CPS1: variants seen among roughly 807,000 people sequenced by gnomAD.
The protein encoded by CPS1 is carbamoyl-phosphate synthase [ammonia], mitochondrial.
A neutral mutation model predicts 174.6 loss-of-function variants in CPS1; 109 were observed. The ratio of observed to expected loss-of-function variants is 0.62; its 90% CI spans 0.53 to 0.73. CPS1 has a LOEUF of 0.73. Ranked by LOEUF, CPS1 falls within the 30% of genes least tolerant of loss-of-function variation. CPS1 has a pLI of 0.00. For missense variants in CPS1, 1,689 were observed against 1,821.9 expected (o/e 0.93, Z 1.33); for synonymous variants, 637 against 632.0 (o/e 1.01, Z -0.12).
intron 17 of CPS1, among the ~76,000 whole-genome samples, chr2:210,606,284 T>G (rs1204822483): frequency 6.6e-6 from 1 of 151,834 alleles, no homozygotes; most frequent in African/African-American, 2.4e-5. Flanking sequence ...AGTGAAGATC[T>G]GAGCGTGTTT....
chr2:210,558,540 G>T (rs918863463), intron 1 of CPS1, among the ~76,000 whole-genome samples: 1 of 151,956 alleles, frequency 6.6e-6, no homozygotes, highest in African/African-American at 2.4e-5. Context: ...TATCCCCTAT[G>T]ATTATATGTG....
intron 1 of CPS1, among the ~76,000 whole-genome samples, chr2:210,533,740 GC>G (rs2106003491): frequency 6.6e-6 from 1 of 152,210 alleles, no homozygotes; most frequent in East Asian, 1.9e-4. Context: ...TCCTAGTTTT[GC>G]AGTTTAGAGG....
intron 21 of CPS1, among the ~76,000 whole-genome samples, chr2:210,634,271 A>C (rs1211459966): frequency 6.6e-6 from 1 of 152,210 alleles, no homozygotes; most frequent in Non-Finnish European, 1.5e-5. Context: ...TCTACTAAAA[A>C]TACAAAAAAT....
At chr2:210,635,983 A>C (rs1700032166) in intron 21 of CPS1, among the ~76,000 whole-genome samples, 1 of 152,238 alleles carries the variant, frequency 6.6e-6, no homozygotes, top group African/African-American at 2.4e-5. Flanking sequence ...AATATGAATT[A>C]ATTAAAGCAG....
At chr2:210,482,930 A>T (rs1277515024) in intron 1 of CPS1, among the ~76,000 whole-genome samples, 2 of 152,208 alleles carry the variant, frequency 1.3e-5, no homozygotes, top group African/African-American at 4.8e-5. Context: ...TTTGGCAGTC[A>T]ATTAGGGTTC....
intron 10 of CPS1, 36 bp from the exon 11 acceptor site, chr2:210,592,843 A>G (rs749094157): frequency 6.4e-7 from 1 of 1,557,398 alleles, no homozygotes; most frequent in East Asian, 2.2e-5. Flanking sequence ...ATTCATTGTT[A>G]CAGAAGGAAT....
At position 210,594,618 on chromosome 2, in the gene CPS1, G is replaced by A; in HGVS notation, c.1263+12G>A. The A allele has an allele frequency of 2.5e-6, 4 of 1,596,878 alleles. No individual in the cohort carries two copies. The highest frequency in any genetic ancestry group is 2.6e-6 in the Non-Finnish European group (3 of 1,165,544). ...CATCTCGGGTTGAGGTCAGTATGTG[G>A]GCTTATTTTTGGTTTATGAATTTTG... On this transcript the variant is annotated intron_variant, in intron 12 of 37. Transcript: ENST00000233072.
In CPS1 at chr2:210,646,116, C is replaced by T. The variant is rs536471871; in HGVS notation, c.3142-1747C>T. On this transcript the variant is annotated intron_variant, in intron 25 of 37. Coordinates refer to ENST00000233072, the MANE Select transcript of CPS1 (RefSeq NM_001875.5). ...TCCTATTTAGTCTAATTGACTCAAA[C>T]TTTTGCTATAAGTTGCTACTTCTCC... Among the ~76,000 whole-genome samples the T allele has an allele frequency of 4.6e-5, 7 of 152,190 alleles. No individual in the cohort carries two copies. The South Asian group carries it at 8.3e-4, about 18-fold the overall frequency.
intron 16 of CPS1, among the ~76,000 whole-genome samples, chr2:210,604,775 G>A (rs1478741293): frequency 3.3e-5 from 5 of 151,872 alleles, no homozygotes; most frequent in African/African-American, 4.8e-5. Context: ...TGGTTTCACA[G>A]AAGCCTAGCT....
intron 18 of CPS1, among the ~76,000 whole-genome samples, chr2:210,607,553 A>T (rs1244001785): frequency 6.6e-6 from 1 of 151,920 alleles, no homozygotes; most frequent in East Asian, 1.9e-4. Flanking sequence ...TTAAATGAAC[A>T]CAATATTTAC....
rs71350739 is a variant in CPS1 at position 210,563,589 on chromosome 2, G to A, written c.126+6730G>A. ...TTTTCCATCTTGATATAAAAGACCC[G>A]AAGAAAACTGGTTCGAAGTAAAGGA... is the stretch of plus-strand genomic sequence containing the variant. On this transcript the variant is annotated intron_variant, in intron 1 of 37. Coordinates refer to ENST00000233072, the MANE Select transcript of CPS1 (RefSeq NM_001875.5). Among the ~76,000 whole-genome samples, 319 of 152,184 alleles carry A rather than the reference G, an allele frequency of 2.1e-3. 2 individuals carry two copies. Among genetic ancestry groups the A allele is most frequent in the Non-Finnish European group, 3.6e-3 (246 of 67,994 alleles).
intron 1 of CPS1, among the ~76,000 whole-genome samples, chr2:210,484,590 T>G (rs1037148614): frequency 1.3e-5 from 2 of 152,254 alleles, no homozygotes; most frequent in Non-Finnish European, 1.5e-5. Flanking sequence ...GCCTCCCAGA[T>G]AGTATCAAGG....
chr2:210,511,198 G>T (rs970449418), intron 1 of CPS1, among the ~76,000 whole-genome samples: 1 of 152,116 alleles, frequency 6.6e-6, no homozygotes, highest in Non-Finnish European at 1.5e-5. Context: ...ATACTATGCA[G>T]CCTTAAAAAA....
chr2:210,577,542 C>A, intron 4 of CPS1, 32 bp downstream of exon 4: 1 of 1,518,366 alleles, frequency 6.6e-7, no homozygotes, highest in Non-Finnish European at 9.2e-7. Flanking sequence ...CCATCATCAC[C>A]TAAGGAAGGT....
intron 1 of CPS1, among the ~76,000 whole-genome samples, chr2:210,516,443 T>G (rs1695684340): frequency 6.6e-6 from 1 of 151,916 alleles, no homozygotes; most frequent in Admixed American, 6.6e-5. Flanking sequence ...CCCAGTGTCT[T>G]TAAGTTCACA....
intron 33 of CPS1, among the ~76,000 whole-genome samples, chr2:210,664,305 T>C (rs1024430857): frequency 6.6e-6 from 1 of 152,018 alleles, no homozygotes; most frequent in Non-Finnish European, 1.5e-5. Context: ...CAGAGAGAGA[T>C]CTATTTTCCT....
At chr2:210,601,324 G>A (rs974001455) in intron 15 of CPS1, among the ~76,000 whole-genome samples, 1 of 151,882 alleles carries the variant, frequency 6.6e-6, no homozygotes, top group Non-Finnish European at 1.5e-5. Context: ...CAGGCTCATA[G>A]CTGGTGAAGT....
chr2:210,558,621 G>C (rs1318035006), intron 1 of CPS1, among the ~76,000 whole-genome samples: 1 of 151,988 alleles, frequency 6.6e-6, no homozygotes, highest in Non-Finnish European at 1.5e-5. Flanking sequence ...AGGTATGTAG[G>C]TAAGGATAGG....
Position 210,579,722 on chromosome 2 carries a change from A to G in CPS1, c.480A>G (p.Ala160=), listed in dbSNP as rs1211564911. ...GQWLQEEKVP[A]IYGVDTRMLT... ...CAATTTTTTTCTTATAGGTTCCTGCAATTTATGGAGTGGACACAAGAATGC... is the reference window on the plus strand; with the variant it reads ...CAATTTTTTTCTTATAGGTTCCTGCGATTTATGGAGTGGACACAAGAATGC... The change falls in exon 5 of 38, where the codon GCA becomes GCG. Residue 160 remains alanine (A), a synonymous_variant. Transcript: ENST00000233072. 6.2e-7 allele frequency: 1 copy of G among 1,612,936 alleles called. No homozygotes were observed. The highest frequency in any genetic ancestry group is 8.5e-7 in the Non-Finnish European group (1 of 1,179,482).
Sources: gnomAD v4.1 joint callset for allele counts (sites outside exome capture counted in the v4.1 genomes callset) on GRCh38, gnomAD v4.1.1 for gene constraint, MANE v1.5 for transcripts, NCBI Gene and HGNC (gene_info 2026-07-23, HGNC 2026-07-21) for gene names.